The following KIF1B variants were observed in gnomAD, a reference collection of about 807,000 sequenced individuals.
KIF1B encodes the protein kinesin family member 1B, also known as kinesin-like protein KIF1B.
In KIF1B, 76 loss-of-function variants were observed where a neutral mutation model predicts 241.9. That is an observed-to-expected ratio of 0.31 (90% CI 0.26 to 0.38). The LOEUF (loss-of-function observed/expected upper bound fraction) is 0.38, where lower values mean the gene tolerates loss of function less well. Among genes scored for constraint, KIF1B ranks in the 10% least tolerant of loss-of-function variants. The pLI, the probability that KIF1B is intolerant of heterozygous loss-of-function variation, is 1.00. For synonymous variants in KIF1B, 750 were observed against 796.7 expected, an observed-to-expected ratio of 0.94 and a Z score of 0.99; for missense variants, 1,622 against 2,271.4, an observed-to-expected ratio of 0.71 and a Z score of 5.81.
chr1:10,304,408 T>G (rs1019415551), intron 22 of KIF1B: 3 of 1,614,094 alleles, frequency 1.9e-6, no homozygotes, highest in Non-Finnish European at 1.7e-6. Context: ...GTCATTAAAC[T>G]CCCACAGTGG....
Position 10,256,236 on chromosome 1 carries a change from T to TTAA in KIF1B, c.107-9_107-8insATA. The stretch of plus-strand genomic sequence containing the variant: ...GAGTGACTTATAAAATGAAACATTT[T>TTAA]TATCTTCTAGGTATTATTAACCCAA... On this transcript the variant is annotated splice_polypyrimidine_tract_variant and intron_variant, in intron 2 of 48. Transcript: ENST00000676179. 6.4e-7 allele frequency: 1 copy of TTAA among 1,561,642 alleles called. No individual in the cohort carries two copies. Among genetic ancestry groups the TTAA allele is most frequent in the Non-Finnish European group, 8.8e-7 (1 of 1,132,302 alleles).
At chr1:10,289,519 C>A (rs527752888) in intron 15 of KIF1B, among the ~76,000 whole-genome samples, 1 of 152,244 alleles carries the variant, frequency 6.6e-6, no homozygotes, top group East Asian at 1.9e-4. Flanking sequence ...TGTGTTCTTT[C>A]CTCTTGTTGC....
intron 4 of KIF1B, among the ~76,000 whole-genome samples, chr1:10,259,711 C>G (rs114920789): frequency 0.019 from 2,839 of 151,878 alleles, 40 homozygotes; most frequent in Non-Finnish European, 0.028. Context: ...CCATGTTGGT[C>G]CTGGTCTGGA....
chr1:10,229,322 A>T (rs1324551248), intron 1 of KIF1B, among the ~76,000 whole-genome samples: 5 of 152,216 alleles, frequency 3.3e-5, no homozygotes, highest in Non-Finnish European at 7.3e-5. Context: ...AAAACAAAAA[A>T]ATCAGTAAAC....
At chr1:10,295,302 C>G (rs1488009252) in intron 18 of KIF1B, 137 bp downstream of exon 18, 2 of 693,332 alleles carry the variant, frequency 2.9e-6, no homozygotes, top group Non-Finnish European at 2.6e-6. Context: ...AAACTATGCT[C>G]TCTTTCCAAA....
intron 38 of KIF1B, among the ~76,000 whole-genome samples, chr1:10,354,752 A>T (rs1371260195): frequency 6.6e-6 from 1 of 152,222 alleles, no homozygotes; most frequent in African/African-American, 2.4e-5. Context: ...GGCAAATGAG[A>T]CATCTTTGTA....
intron 2 of KIF1B, among the ~76,000 whole-genome samples, chr1:10,250,163 C>T (rs946152496): frequency 3.7e-4 from 56 of 152,074 alleles, no homozygotes; most frequent in African/African-American, 1.2e-3. Flanking sequence ...ATTATCATAC[C>T]TACTGAATAT....
intron 1 of KIF1B, among the ~76,000 whole-genome samples, chr1:10,214,922 A>G (rs1275111023): frequency 6.6e-6 from 1 of 150,580 alleles, no homozygotes. Flanking sequence ...GTTAACTCCA[A>G]CTCCTTTTCA....
intron 1 of KIF1B, among the ~76,000 whole-genome samples, chr1:10,221,241 G>C (rs973611491): frequency 1.5e-4 from 23 of 151,762 alleles, no homozygotes; most frequent in African/African-American, 5.3e-4. Context: ...GGGATTACAG[G>C]CATGTGCCAC....
intron 1 of KIF1B, among the ~76,000 whole-genome samples, chr1:10,220,200 G>A (rs1440658446): frequency 3.5e-5 from 5 of 142,694 alleles, no homozygotes; most frequent in South Asian, 2.2e-4. Context: ...GCGAAACTCC[G>A]TCTCAAAAAA....
intron 27 of KIF1B, among the ~76,000 whole-genome samples, chr1:10,330,556 A>G (rs1240846317): frequency 6.6e-6 from 1 of 151,622 alleles, no homozygotes; most frequent in East Asian, 1.9e-4. Context: ...AATGTGTTCT[A>G]TATAGTTAAT....
intron 15 of KIF1B, among the ~76,000 whole-genome samples, chr1:10,290,740 C>T (rs1369796791): frequency 2.0e-5 from 3 of 150,852 alleles, no homozygotes; most frequent in African/African-American, 7.3e-5. Flanking sequence ...CGTGGTGGCA[C>T]GTGCCTGTAG....
chr1:10,265,183 T>C (rs1648381685), intron 5 of KIF1B, among the ~76,000 whole-genome samples: 1 of 151,486 alleles, frequency 6.6e-6, no homozygotes, highest in African/African-American at 2.4e-5. Context: ...GCCAAGTTCT[T>C]AATTTTTTAA....
intron 22 of KIF1B, chr1:10,305,822 A>G (rs1408387267): frequency 1.9e-6 from 2 of 1,053,178 alleles, no homozygotes; most frequent in Admixed American, 1.1e-4. Context: ...ATTATTTTCT[A>G]CATCGTTCCT....
At position 10,303,342 on chromosome 1, in the gene KIF1B, A is replaced by C. The variant is rs140713521; in HGVS notation, c.2115+6096A>C. 3.7e-6 allele frequency: 6 copies of C among 1,614,186 alleles called. No homozygotes were observed. Among genetic ancestry groups the C allele is most frequent in the Non-Finnish European group, 8.5e-7 (1 of 1,180,032 alleles). On this transcript the variant is annotated intron_variant, in intron 22 of 48. Coordinates refer to ENST00000676179, the MANE Select transcript of KIF1B (RefSeq NM_001365951.3). This position sits in a 1 kb window ranked among gnomAD's most constrained non-coding sequence, Gnocchi z 5.2. ...CAATTAAAATGTATCAGATACCCCAAAGAAGGCGCTTGAGTAAAGATTCCA... is the reference window on the plus strand; with the variant it reads ...CAATTAAAATGTATCAGATACCCCACAGAAGGCGCTTGAGTAAAGATTCCA...
intron 3 of KIF1B, 36 bp from the exon 4 acceptor site, chr1:10,258,456 AT>A: frequency 6.3e-7 from 1 of 1,592,980 alleles, no homozygotes; most frequent in Non-Finnish European, 8.6e-7. Flanking sequence ...AGAAATATTA[AT>A]AAAAGGTTAT....
chr1:10,225,426 A>C (rs1015000269), intron 1 of KIF1B, among the ~76,000 whole-genome samples: 1 of 152,224 alleles, frequency 6.6e-6, no homozygotes, highest in African/African-American at 2.4e-5. Context: ...TTGAGGCTGC[A>C]GTGAGCCATG....
At position 10,378,552 on chromosome 1, in the gene KIF1B, C is replaced by T. The variant is rs1638946246; in HGVS notation, c.*1965C>T. Reference sequence around the variant, plus strand: ...TCAGGCATTCAGGAAAGTATCTGCTCACTCCCACTTGGTGAGTCCTCGGCC... The same window carrying T: ...TCAGGCATTCAGGAAAGTATCTGCTTACTCCCACTTGGTGAGTCCTCGGCC... On this transcript the variant is annotated 3_prime_UTR_variant, in exon 49 of 49. Transcript: ENST00000676179. 3 of 666,208 alleles carry T rather than the reference C, an allele frequency of 4.5e-6. No individual in the cohort carries two copies. The highest frequency in any genetic ancestry group is 3.4e-5 in the South Asian group (2 of 59,102). 41.3% of individuals were successfully genotyped at this position (666,208 alleles called of 1,614,324 possible).
chr1:10,275,863 G>C (rs1352724001), intron 11 of KIF1B, among the ~76,000 whole-genome samples: 1 of 151,418 alleles, frequency 6.6e-6, no homozygotes, highest in African/African-American at 2.4e-5. Flanking sequence ...CCTCGTTGCT[G>C]ATGTTTTCAG....
Sources: allele counts gnomAD v4.1 joint callset (sites outside exome capture counted in the v4.1 genomes callset), GRCh38; gene constraint gnomAD v4.1.1; non-coding constraint Gnocchi (gnomAD v3.1); transcripts MANE v1.5; gene names NCBI Gene and HGNC (gene_info 2026-07-23, HGNC 2026-07-21).